Variants in MGAT5B observed in about 807,000 individuals in gnomAD.
MGAT5B encodes N-acetylglucosaminyl-transferase Vb.
A neutral mutation model predicts 95.1 loss-of-function variants in MGAT5B; 54 were observed. The ratio of observed to expected loss-of-function variants is 0.57; its 90% CI spans 0.46 to 0.71. MGAT5B has a LOEUF of 0.71. MGAT5B is among the 30% of genes least tolerant of loss of function. The pLI, the probability that MGAT5B is intolerant of heterozygous loss-of-function variation, is 0.00. For missense variants in MGAT5B, 935 were observed against 1,088.6 expected, an observed-to-expected ratio of 0.86 and a Z score of 1.99; for synonymous variants, 464 against 451.0, an observed-to-expected ratio of 1.03 and a Z score of -0.36.
At chr17:76,925,185 A>G in intron 9 of MGAT5B, 88 bp downstream of exon 9, 3 of 1,546,464 alleles carry the variant, frequency 1.9e-6, no homozygotes, top group Admixed American at 3.5e-5. Context: ...GTCCCCACTC[A>G]GCCAGCTGGG....
At chr17:76,904,924 G>A (rs1334146213) in intron 6 of MGAT5B, among the ~76,000 whole-genome samples, 1 of 152,246 alleles carries the variant, frequency 6.6e-6, no homozygotes, top group African/African-American at 2.4e-5. Context: ...CCTGGAAACT[G>A]CTATGGTTGG....
At position 76,903,388 on chromosome 17, in the gene MGAT5B, G is replaced by T; in HGVS notation, c.519+12G>T. The T allele has an allele frequency of 6.2e-7, 1 of 1,606,238 alleles. No homozygotes were observed. Among genetic ancestry groups the T allele is most frequent in the Non-Finnish European group, 8.5e-7 (1 of 1,175,790 alleles). ...CAGGGAAGGTGGAGGTGAGGCCTGG[G>T]GCTGAGGGGTGGGGATGTCTACAGC... is the stretch of plus-strand genomic sequence containing the variant. On this transcript the variant is annotated intron_variant, in intron 5 of 17. Transcript: ENST00000569840.
intron 2 of MGAT5B, among the ~76,000 whole-genome samples, chr17:76,875,653 CTTTTTT>C (rs547158669): frequency 0.012 from 822 of 67,048 alleles, 7 homozygotes; most frequent in Non-Finnish European, 0.018. Context: ...GTCACTTGCA[CTTTTTT>C]TTTTTTTTTT....
At chr17:76,901,736 CG>C (rs1418739216) in intron 3 of MGAT5B, among the ~76,000 whole-genome samples, 2 of 152,052 alleles carry the variant, frequency 1.3e-5, no homozygotes, top group African/African-American at 2.4e-5. Context: ...CAGGCTTCTG[CG>C]GGTAGAATTT....
intron 8 of MGAT5B, among the ~76,000 whole-genome samples, chr17:76,920,260 C>T (rs142302118): frequency 0.011 from 1,688 of 152,272 alleles, 21 homozygotes; most frequent in Middle Eastern, 0.11. Flanking sequence ...CTGAACCGTC[C>T]TCTTGACCCA....
chr17:76,889,695 G>A lies in MGAT5B; in HGVS notation c.329+7397G>A, dbSNP rs924394672. Among the ~76,000 whole-genome samples, 3 of 151,812 alleles carry A rather than the reference G, an allele frequency of 2.0e-5. No individual in the cohort carries two copies. Among genetic ancestry groups the A allele is most frequent in the Admixed American group, 2.0e-4 (3 of 15,246 alleles). On this transcript the variant is annotated intron_variant, in intron 3 of 17. Coordinates refer to ENST00000569840, the MANE Select transcript of MGAT5B (RefSeq NM_001199172.2). This position sits in a 1 kb window ranked among gnomAD's most constrained non-coding sequence, Gnocchi z 4.4. Reference sequence around the variant, plus strand: ...ATGACAATAGCAAATAATAATAACAGCCACCCTCTATTGGGCACCAAGCTC... The same window carrying A: ...ATGACAATAGCAAATAATAATAACAACCACCCTCTATTGGGCACCAAGCTC...
At chr17:76,923,690 G>A (rs187221690) in intron 8 of MGAT5B, among the ~76,000 whole-genome samples, 122 of 152,316 alleles carry the variant, frequency 8.0e-4, no homozygotes, top group African/African-American at 2.7e-3. Context: ...CACCTCACAC[G>A]GCTTGTGCTC....
chr17:76,905,965 G>A lies in MGAT5B; in HGVS notation c.856-53G>A. 3.3e-6 allele frequency: 5 copies of A among 1,511,914 alleles called. No individual in the cohort carries two copies. Among genetic ancestry groups the A allele is most frequent in the Non-Finnish European group, 4.4e-6 (5 of 1,133,920 alleles). The allele number at this position is 1,511,914 out of a possible 1,614,324, so 93.7% of individuals were successfully genotyped here. ...TCCTGGCCGGTGCCCCGGGGGGGCG[G>A]GGCTCAGAGCTGCTGCTCCTCTCTG... On this transcript the variant is annotated intron_variant, in intron 7 of 17. Coordinates refer to ENST00000569840, the MANE Select transcript of MGAT5B (RefSeq NM_001199172.2). The surrounding 1 kb of genome is among the most constrained non-coding windows in gnomAD (Gnocchi z 4.2).
In MGAT5B at chr17:76,916,036, T is replaced by C. The variant is rs931262478; in HGVS notation, c.1026-8930T>C. On this transcript the variant is annotated intron_variant, in intron 8 of 17. Transcript: ENST00000569840. This position sits in a 1 kb window ranked among gnomAD's most constrained non-coding sequence, Gnocchi z 5.3. ...CGCCGGCATGCCGAGTGTGGCGGGGTCACGTTGAGTGCCGCCAAATGTCGT... is the reference window on the plus strand; with the variant it reads ...CGCCGGCATGCCGAGTGTGGCGGGGCCACGTTGAGTGCCGCCAAATGTCGT... Among the ~76,000 whole-genome samples, 1 of 151,512 alleles carries C rather than the reference T, an allele frequency of 6.6e-6. No individual in the cohort carries two copies.
intron 4 of MGAT5B, 46 bp downstream of exon 4, chr17:76,902,716 T>C: frequency 7.5e-7 from 1 of 1,336,076 alleles, no homozygotes. Context: ...AGGGGGCCAA[T>C]GAACTGGGTG....
chr17:76,937,973 CTCT>C lies in MGAT5B; in HGVS notation c.1429-10_1429-8del. ...GTTTGCATGTGGTTCCCATCTCCTC[CTCT>C]TCTTTTTCCAGGGGAAGGAGAAGTT... On this transcript the variant is annotated splice_polypyrimidine_tract_variant and intron_variant, in intron 12 of 17. Transcript: ENST00000569840. The C allele has an allele frequency of 1.2e-6, 2 of 1,611,860 alleles. No homozygotes were observed. Among genetic ancestry groups the C allele is most frequent in the Non-Finnish European group, 1.7e-6 (2 of 1,178,014 alleles).
intron 1 of MGAT5B, among the ~76,000 whole-genome samples, chr17:76,871,004 A>AG (rs1375154927): frequency 6.6e-6 from 1 of 152,018 alleles, no homozygotes; most frequent in Non-Finnish European, 1.5e-5. Context: ...GAGGTGTGTT[A>AG]GGGGGCTTCA....
intron 3 of MGAT5B, among the ~76,000 whole-genome samples, chr17:76,901,983 C>T (rs11650966): frequency 0.081 from 12,362 of 152,336 alleles, 649 homozygotes; most frequent in East Asian, 0.14. Flanking sequence ...TATGGGCACA[C>T]GTGCCATTGT....
chr17:76,926,636 T>C lies in MGAT5B; in HGVS notation c.1197T>C (p.Pro399=), dbSNP rs1969322240. 4 of 1,612,586 alleles carry C rather than the reference T, an allele frequency of 2.5e-6. No homozygotes were observed. In the East Asian group the frequency reaches 8.9e-5, roughly 36 times the overall value. The change falls in exon 10 of 18, where the codon CCT becomes CCC. Residue 399 remains proline, a synonymous_variant. Transcript: ENST00000569840. ...TCATCGACACCTTCGGGACGGAACCTGCGTACAACCACGAGGAGTACGCCA... is the reference window on the plus strand; with the variant it reads ...TCATCGACACCTTCGGGACGGAACCCGCGTACAACCACGAGGAGTACGCCA... ...IRVIDTFGTE[P]AYNHEEYATL...
At chr17:76,911,641 G>A (rs1028746542) in intron 8 of MGAT5B, among the ~76,000 whole-genome samples, 8 of 152,214 alleles carry the variant, frequency 5.3e-5, no homozygotes, top group Non-Finnish European at 1.0e-4. Flanking sequence ...CATAGTTGGC[G>A]GGGTCAGTGA....
At chr17:76,879,129 T>C (rs1967310764) in intron 2 of MGAT5B, among the ~76,000 whole-genome samples, 1 of 152,178 alleles carries the variant, frequency 6.6e-6, no homozygotes, top group Non-Finnish European at 1.5e-5. Context: ...TTCAGCCTGC[T>C]CAATGGGACT....
At chr17:76,882,705 CTTTTTTTTT>C (rs763528809) in intron 3 of MGAT5B, among the ~76,000 whole-genome samples, 1 of 70,178 alleles carries the variant, frequency 1.4e-5, no homozygotes, top group African/African-American at 7.7e-5. Context: ...TCCACTGCCC[CTTTTTTTTT>C]TTTTTTTTTT....
intron 12 of MGAT5B, among the ~76,000 whole-genome samples, chr17:76,933,507 C>A (rs1282073912): frequency 6.6e-6 from 1 of 152,150 alleles, no homozygotes; most frequent in Non-Finnish European, 1.5e-5. Context: ...CACAGGGAGG[C>A]AAGTCCTGGG....
At chr17:76,927,058 AAG>A (rs1969336799) in intron 10 of MGAT5B, among the ~76,000 whole-genome samples, 1 of 152,134 alleles carries the variant, frequency 6.6e-6, no homozygotes, top group African/African-American at 2.4e-5. Flanking sequence ...GCCTTCCAGA[AAG>A]AGAGGCTTTC....
Sources: allele counts gnomAD v4.1 joint callset (sites outside exome capture counted in the v4.1 genomes callset), GRCh38; gene constraint gnomAD v4.1.1; non-coding constraint Gnocchi (gnomAD v3.1); transcripts MANE v1.5; gene names NCBI Gene and HGNC (gene_info 2026-07-23, HGNC 2026-07-21).